Variants in KDM4C observed in about 807,000 individuals in gnomAD.
KDM4C encodes lysine-specific demethylase 4C.
A neutral mutation model predicts 129.3 loss-of-function variants in KDM4C; 81 were observed. The ratio of observed to expected loss-of-function variants is 0.63; its 90% CI spans 0.52 to 0.75. The LOEUF (loss-of-function observed/expected upper bound fraction) is 0.75. KDM4C is among the 30% of genes least tolerant of loss of function. The pLI, the probability that KDM4C is intolerant of heterozygous loss-of-function variation, is 0.00. For synonymous variants in KDM4C, 573 were observed against 456.1 expected (o/e 1.26, Z -3.26); for missense variants, 1,457 against 1,304.0 (o/e 1.12, Z -1.81).
intron 15 of KDM4C, among the ~76,000 whole-genome samples, chr9:7,020,947 T>C (rs1389613282): frequency 2.0e-5 from 3 of 146,764 alleles, no homozygotes; most frequent in Non-Finnish European, 4.5e-5. Flanking sequence ...ACCATTCCCA[T>C]TCCCCTCACC....
chr9:6,726,150 A>T (rs1817120788), intron 1 of KDM4C, among the ~76,000 whole-genome samples: 1 of 151,604 alleles, frequency 6.6e-6, no homozygotes, highest in Admixed American at 6.6e-5. Context: ...ACTGGTCTCA[A>T]ACTCCTCAGG....
chr9:6,899,542 G>GGT (rs61209400), intron 8 of KDM4C, among the ~76,000 whole-genome samples: 37,687 of 149,822 alleles, frequency 0.25, 5,284 homozygotes, highest in Non-Finnish European at 0.33. Flanking sequence ...TTTCCATGGG[G>GGT]GTGTGTGTGT....
At chr9:6,783,103 C>T (rs1824715416) in intron 1 of KDM4C, among the ~76,000 whole-genome samples, 1 of 152,158 alleles carries the variant, frequency 6.6e-6, no homozygotes, top group African/African-American at 2.4e-5. Context: ...ACTTCTTTCT[C>T]CACCTTTACC....
At chr9:7,159,448 A>AT (rs1843543441) in intron 19 of KDM4C, among the ~76,000 whole-genome samples, 1 of 152,062 alleles carries the variant, frequency 6.6e-6, no homozygotes, top group Non-Finnish European at 1.5e-5. Flanking sequence ...ACAATTTCTC[A>AT]TGTTTTTGCA....
chr9:6,984,475 G>C (rs1817337494), intron 10 of KDM4C, 71 bp downstream of exon 10: 2 of 991,510 alleles, frequency 2.0e-6, no homozygotes, highest in African/African-American at 3.2e-5. Flanking sequence ...TTAAATGGAT[G>C]TTCACTATGA....
chr9:6,797,166 T>G (rs1827904986), intron 2 of KDM4C, among the ~76,000 whole-genome samples: 2 of 151,846 alleles, frequency 1.3e-5, no homozygotes, highest in African/African-American at 4.8e-5. Flanking sequence ...TTTTTTGTTT[T>G]TTGTAGAGAT....
At chr9:7,158,030 A>G in intron 19 of KDM4C, among the ~76,000 whole-genome samples, 1 of 152,168 alleles carries the variant, frequency 6.6e-6, no homozygotes, top group East Asian at 1.9e-4. Flanking sequence ...CCCCAATTTC[A>G]GAGCCTGTTA....
intron 4 of KDM4C, among the ~76,000 whole-genome samples, chr9:6,829,026 A>G (rs1209506446): frequency 6.6e-6 from 1 of 152,222 alleles, no homozygotes; most frequent in Admixed American, 6.5e-5. Context: ...ATATGTGTGG[A>G]GAATCACTCT....
At chr9:6,894,171 C>A (rs1212315695) in intron 8 of KDM4C, among the ~76,000 whole-genome samples, 1 of 152,198 alleles carries the variant, frequency 6.6e-6, no homozygotes, top group African/African-American at 2.4e-5. Flanking sequence ...GGAGACAACT[C>A]TTAGTTTAAT....
At chr9:7,022,103 G>T (rs1280703514) in intron 15 of KDM4C, among the ~76,000 whole-genome samples, 4 of 152,058 alleles carry the variant, frequency 2.6e-5, no homozygotes, top group Admixed American at 6.5e-5. Context: ...CTTCCATTTT[G>T]TTCTTTTTGC....
chr9:7,149,064 C>T (rs1414982697), intron 19 of KDM4C, among the ~76,000 whole-genome samples: 1 of 152,242 alleles, frequency 6.6e-6, no homozygotes, highest in Non-Finnish European at 1.5e-5. Flanking sequence ...TCAACTGCCA[C>T]TTATGGCACC....
chr9:6,848,081 A>G (rs1050453770), intron 4 of KDM4C, among the ~76,000 whole-genome samples: 64 of 152,034 alleles, frequency 4.2e-4, no homozygotes, highest in Non-Finnish European at 2.4e-4. Context: ...TAAAATAGAC[A>G]TGGGGTCTTG....
chr9:6,759,402 T>TTA (rs1208782123), intron 1 of KDM4C, among the ~76,000 whole-genome samples: 2 of 152,202 alleles, frequency 1.3e-5, no homozygotes, highest in African/African-American at 4.8e-5. Flanking sequence ...CATTTTTTAT[T>TTA]AGGAAGCAGT....
intron 2 of KDM4C, among the ~76,000 whole-genome samples, chr9:6,795,537 G>A (rs1362977968): frequency 6.6e-6 from 1 of 152,044 alleles, no homozygotes; most frequent in Middle Eastern, 3.2e-3. Context: ...TCACCATGTT[G>A]GCTAGGCTGG....
At chr9:6,951,734 C>T (rs1050898805) in intron 8 of KDM4C, among the ~76,000 whole-genome samples, 4 of 152,140 alleles carry the variant, frequency 2.6e-5, no homozygotes, top group African/African-American at 9.7e-5. Flanking sequence ...CTATTTCATG[C>T]ATTTAATCAT....
At position 6,776,211 on chromosome 9, in the gene KDM4C, G is replaced by T. The variant is rs370154267; in HGVS notation, c.-17-16761G>T. ...GGTATTCTCCTGCCTCAGCCTTTTG[G>T]GTAGCTGGAACTACAGGCTTTACAG... On this transcript the variant is annotated intron_variant, in intron 1 of 21. Transcript: ENST00000381309. Among the ~76,000 whole-genome samples the T allele has an allele frequency of 3.3e-5, 5 of 152,018 alleles. No homozygotes were observed. The East Asian group carries it at 9.6e-4, about 29-fold the overall frequency.
chr9:7,083,189 C>T (rs967424640), intron 17 of KDM4C, among the ~76,000 whole-genome samples: 2 of 152,130 alleles, frequency 1.3e-5, no homozygotes, highest in African/African-American at 4.8e-5. Flanking sequence ...ATTCTTGTTA[C>T]CAGAAGTGTT....
intron 8 of KDM4C, among the ~76,000 whole-genome samples, chr9:6,949,386 A>G (rs1363468275): frequency 6.6e-6 from 1 of 151,466 alleles, no homozygotes; most frequent in Non-Finnish European, 1.5e-5. Flanking sequence ...GGCTCCTCAC[A>G]TCCCAGACGA....
At chr9:7,016,159 T>A (rs945588375) in intron 15 of KDM4C, among the ~76,000 whole-genome samples, 2 of 151,636 alleles carry the variant, frequency 1.3e-5, no homozygotes, top group African/African-American at 4.8e-5. Context: ...ACGGAGTCTC[T>A]CTCTGTCGCC....
Sources: gnomAD v4.1 joint callset for allele counts (sites outside exome capture counted in the v4.1 genomes callset) on GRCh38, gnomAD v4.1.1 for gene constraint, MANE v1.5 for transcripts, NCBI Gene and HGNC (gene_info 2026-07-23, HGNC 2026-07-21) for gene names.